Variants in CTDSPL2 observed in about 807,000 individuals in gnomAD.
CTDSPL2 encodes the protein CTD small phosphatase like 2.
A neutral mutation model predicts 60.0 loss-of-function variants in CTDSPL2; 5 were observed. The ratio of observed to expected loss-of-function variants is 0.08; its 90% CI spans 0.04 to 0.18. The LOEUF (loss-of-function observed/expected upper bound fraction) is 0.18. Ranked by LOEUF, CTDSPL2 falls within the 10% of genes least tolerant of loss-of-function variation. The pLI, the probability that CTDSPL2 is intolerant of heterozygous loss-of-function variation, is 1.00. For synonymous variants in CTDSPL2, 186 were observed against 189.3 expected (o/e 0.98, Z 0.14); for missense variants, 370 against 548.8 (o/e 0.67, Z 3.26).
At chr15:44,429,965 G>A (rs990072600) in intron 1 of CTDSPL2, among the ~76,000 whole-genome samples, 1 of 152,174 alleles carries the variant, frequency 6.6e-6, no homozygotes, top group Admixed American at 6.5e-5. Flanking sequence ...GGAATGTCAG[G>A]GTTTGTATGT....
chr15:44,429,560 C>G (rs1157968749), intron 1 of CTDSPL2, among the ~76,000 whole-genome samples: 1 of 152,150 alleles, frequency 6.6e-6, no homozygotes, highest in African/African-American at 2.4e-5. Context: ...TTAATGCTTT[C>G]TCAGAGTTGA....
intron 1 of CTDSPL2, among the ~76,000 whole-genome samples, chr15:44,432,285 T>C (rs2141252711): frequency 6.8e-6 from 1 of 147,476 alleles, no homozygotes; most frequent in South Asian, 2.2e-4. Flanking sequence ...TATTTTGTGA[T>C]ATCCATATGT....
chr15:44,435,199 G>A lies in CTDSPL2; in HGVS notation c.-25+7427G>A, dbSNP rs2141262103. Among the ~76,000 whole-genome samples the A allele has an allele frequency of 1.3e-5, 2 of 150,292 alleles. 1 individual carries two copies. The highest frequency in any genetic ancestry group is 4.2e-4 in the South Asian group (2 of 4,740). On this transcript the variant is annotated intron_variant, in intron 1 of 12. Transcript: ENST00000260327. The stretch of plus-strand genomic sequence containing the variant: ...ATGAACCCGGGAGGCAGAGGTTACA[G>A]TGAGCCGAGATCACGCCACTGTGCC...
At chr15:44,462,888 A>G (rs2080603918) in intron 2 of CTDSPL2, among the ~76,000 whole-genome samples, 1 of 151,490 alleles carries the variant, frequency 6.6e-6, no homozygotes, top group Non-Finnish European at 1.5e-5. Flanking sequence ...GTGTTTTTGT[A>G]GAGATGGGGT....
intron 1 of CTDSPL2, among the ~76,000 whole-genome samples, chr15:44,433,485 CACT>C (rs2079906374): frequency 6.7e-6 from 1 of 148,538 alleles, no homozygotes; most frequent in Non-Finnish European, 1.5e-5. Flanking sequence ...CACACACACA[CACT>C]TTTTTTTCTC....
At chr15:44,435,256 C>CAAAAAAA (rs35787192) in intron 1 of CTDSPL2, among the ~76,000 whole-genome samples, 1 of 46,062 alleles carries the variant, frequency 2.2e-5, no homozygotes. Context: ...GACTCCGTCT[C>CAAAAAAA]AAAAAAAAAA....
intron 8 of CTDSPL2, among the ~76,000 whole-genome samples, chr15:44,506,969 G>A (rs955240493): frequency 1.3e-5 from 2 of 151,256 alleles, no homozygotes; most frequent in African/African-American, 4.9e-5. Context: ...GGGTTTCACC[G>A]TGTAAGCCAG....
At chr15:44,503,084 T>A (rs896947345) in intron 8 of CTDSPL2, among the ~76,000 whole-genome samples, 1 of 152,190 alleles carries the variant, frequency 6.6e-6, no homozygotes, top group Admixed American at 6.5e-5. Context: ...TGACACTATG[T>A]GGACTAGACA....
intron 1 of CTDSPL2, among the ~76,000 whole-genome samples, chr15:44,455,357 C>T (rs1004216486): frequency 6.6e-6 from 1 of 152,162 alleles, no homozygotes; most frequent in African/African-American, 2.4e-5. Context: ...ACAATCATGT[C>T]ATCTGCAAAC....
chr15:44,431,716 GTTTTTTTTTTTT>G (rs886785067), intron 1 of CTDSPL2, among the ~76,000 whole-genome samples: 7 of 133,628 alleles, frequency 5.2e-5, no homozygotes, highest in Non-Finnish European at 1.1e-4. Flanking sequence ...TTGTTTGTTT[GTTTTTTTTTTTT>G]TTTTTTTGAG....
chr15:44,475,284 T>G (rs977961909), intron 2 of CTDSPL2, among the ~76,000 whole-genome samples: 2 of 152,204 alleles, frequency 1.3e-5, no homozygotes, highest in Admixed American at 1.3e-4. Flanking sequence ...CTATCTACTA[T>G]GCAAAGATTT....
chr15:44,430,261 G>A (rs1176681099), intron 1 of CTDSPL2, among the ~76,000 whole-genome samples: 2 of 152,028 alleles, frequency 1.3e-5, no homozygotes, highest in African/African-American at 4.8e-5. Flanking sequence ...GAGTAAAATG[G>A]CATTTATTTT....
chr15:44,428,510 C>T (rs183023081), intron 1 of CTDSPL2, among the ~76,000 whole-genome samples: 2 of 152,304 alleles, frequency 1.3e-5, no homozygotes, highest in East Asian at 3.9e-4. Flanking sequence ...TTACTTCTCA[C>T]CCTAGTGGTG....
At chr15:44,428,768 C>G (rs907438509) in intron 1 of CTDSPL2, among the ~76,000 whole-genome samples, 1 of 152,218 alleles carries the variant, frequency 6.6e-6, no homozygotes, top group Admixed American at 6.5e-5. Flanking sequence ...ATTGCTTTGT[C>G]TCCCCATTCT....
At chr15:44,463,286 C>T (rs1168381123) in intron 2 of CTDSPL2, among the ~76,000 whole-genome samples, 2 of 151,968 alleles carry the variant, frequency 1.3e-5, no homozygotes, top group Admixed American at 6.6e-5. Flanking sequence ...GGACTACAGG[C>T]GCCTGCCACC....
Position 44,524,352 on chromosome 15 carries a change from C to T in CTDSPL2, c.*178C>T, listed in dbSNP as rs532750370. ...GAAAGAGACTTTATCTATCTCAGAT[C>T]GAATACATATAGTAGGTAGGCTAAA... On this transcript the variant is annotated 3_prime_UTR_variant, in exon 13 of 13. Transcript: ENST00000260327. The T allele has an allele frequency of 2.1e-4, 126 of 597,152 alleles. No individual in the cohort carries two copies. The highest frequency in any genetic ancestry group is 5.0e-4 in the African/African-American group (27 of 53,798). The allele number at this position is 597,152 out of a possible 1,614,324, so 37.0% of individuals were successfully genotyped here.
At chr15:44,514,526 C>G in intron 8 of CTDSPL2, 72 bp from the exon 9 acceptor site, 1 of 893,136 alleles carries the variant, frequency 1.1e-6, no homozygotes, top group Non-Finnish European at 1.9e-6. Context: ...AGTTAGAATA[C>G]AGCACATCTT....
chr15:44,432,313 A>T (rs202236747), intron 1 of CTDSPL2, among the ~76,000 whole-genome samples: 1 of 1,794 alleles, frequency 5.6e-4, no homozygotes, highest in African/African-American at 1.2e-3. Context: ...TTATTATTTT[A>T]TTATTATTAT....
rs2081874406 is a variant in CTDSPL2, at chr15:44,526,417, TTAAAC to T, written c.*2247_*2251del. 1 of 152,132 alleles carries T rather than the reference TTAAAC, an allele frequency of 6.6e-6. No homozygotes were observed. The highest frequency in any genetic ancestry group is 1.5e-5 in the Non-Finnish European group (1 of 67,980). 9.4% of individuals were successfully genotyped at this position (152,132 alleles called of 1,614,324 possible). On this transcript the variant is annotated 3_prime_UTR_variant, in exon 13 of 13. Transcript: ENST00000260327. ...CACTTCAATAATAAAAACCAACTTT[TTAAAC>T]TAATCATCTTTTATCAATGATAAAG... is the stretch of plus-strand genomic sequence containing the variant.
Sources: gnomAD v4.1 joint callset for allele counts (sites outside exome capture counted in the v4.1 genomes callset) on GRCh38, gnomAD v4.1.1 for gene constraint, MANE v1.5 for transcripts, NCBI Gene and HGNC (gene_info 2026-07-23, HGNC 2026-07-21) for gene names.